The following KIF18A variants were observed in gnomAD, a reference collection of about 807,000 sequenced individuals.
The protein encoded by KIF18A is kinesin family member 18A.
In KIF18A, 67 loss-of-function variants were observed where a neutral mutation model predicts 103.3. That is an observed-to-expected ratio of 0.65 (90% confidence interval 0.53 to 0.79). The LOEUF (loss-of-function observed/expected upper bound fraction) is 0.79, where lower values mean the gene tolerates loss of function less well. KIF18A is among the 30% of genes least tolerant of loss of function. The pLI, the probability that KIF18A is intolerant of heterozygous loss-of-function variation, is 0.00. For synonymous variants in KIF18A, 367 were observed against 355.5 expected (o/e 1.03, Z -0.36); for missense variants, 1,032 against 1,062.5 (o/e 0.97, Z 0.40).
chr11:28,030,717 A>G (rs2133488942), intron 15 of KIF18A, among the ~76,000 whole-genome samples: 1 of 149,796 alleles, frequency 6.7e-6, no homozygotes, highest in African/African-American at 2.4e-5. Context: ...TGCACAGCAA[A>G]AGAAACTACC....
intron 9 of KIF18A, among the ~76,000 whole-genome samples, chr11:28,081,865 A>G (rs1851169823): frequency 6.6e-6 from 1 of 152,204 alleles, no homozygotes; most frequent in South Asian, 2.1e-4. Flanking sequence ...CATTAAGAAC[A>G]TTTGTGATAT....
At chr11:28,077,868 G>C (rs978142395) in intron 9 of KIF18A, among the ~76,000 whole-genome samples, 5 of 152,124 alleles carry the variant, frequency 3.3e-5, no homozygotes, top group Admixed American at 6.6e-5. Context: ...GAATATCAAA[G>C]ATGAGGAGTT....
chr11:28,045,793 A>C (rs910895349), intron 13 of KIF18A, among the ~76,000 whole-genome samples: 1 of 152,080 alleles, frequency 6.6e-6, no homozygotes, highest in African/African-American at 2.4e-5. Context: ...GTTGCAACCT[A>C]CTCATCTGAC....
At chr11:28,035,237 A>G in intron 15 of KIF18A, 150 bp downstream of exon 15, 1 of 396,902 alleles carries the variant, frequency 2.5e-6, no homozygotes, top group Non-Finnish European at 4.5e-6. Context: ...GATAATATAA[A>G]TCCAGTACCC....
chr11:28,031,514 C>T (rs982283632), intron 15 of KIF18A, among the ~76,000 whole-genome samples: 6 of 152,074 alleles, frequency 3.9e-5, no homozygotes, highest in African/African-American at 1.4e-4. Flanking sequence ...GTGAACATCA[C>T]ACACCGGGGC....
chr11:28,104,144 C>T (rs183452935), intron 1 of KIF18A, among the ~76,000 whole-genome samples: 1 of 152,148 alleles, frequency 6.6e-6, no homozygotes, highest in Non-Finnish European at 1.5e-5. Context: ...TAATTATATG[C>T]AAGTACAATA....
chr11:28,064,108 T>C (rs1450211342), intron 11 of KIF18A, among the ~76,000 whole-genome samples: 2 of 151,232 alleles, frequency 1.3e-5, no homozygotes, highest in African/African-American at 4.8e-5. Context: ...TTAGGAGTTA[T>C]TTATATAATT....
chr11:28,091,555 A>T, intron 3 of KIF18A, 42 bp from the exon 4 acceptor site: 1 of 1,071,752 alleles, frequency 9.3e-7, no homozygotes, highest in African/African-American at 1.6e-5. Flanking sequence ...TGTAAAAAAA[A>T]AAAATGGTGA....
chr11:28,092,871 A>G (rs1184372807), intron 3 of KIF18A, among the ~76,000 whole-genome samples: 1 of 152,216 alleles, frequency 6.6e-6, no homozygotes, highest in African/African-American at 2.4e-5. Flanking sequence ...AGCAGCAGTC[A>G]CTTTACTATT....
chr11:28,044,033 G>C (rs1023959502), intron 13 of KIF18A, among the ~76,000 whole-genome samples: 4 of 151,934 alleles, frequency 2.6e-5, no homozygotes, highest in Admixed American at 6.6e-5. Flanking sequence ...TGAAAGCACA[G>C]GGTGGAGTTA....
chr11:28,082,948 TTTTTC>T lies in KIF18A; in HGVS notation c.1165_1169del (p.Glu389ThrfsTer5), dbSNP rs757379277. 2 of 1,588,324 alleles carry T rather than the reference TTTTTC, an allele frequency of 1.3e-6. No homozygotes were observed. The highest frequency in any genetic ancestry group is 1.2e-5 in the South Asian group (1 of 86,000). On this transcript the variant is annotated frameshift_variant, in exon 9 of 17. Transcript: ENST00000263181. LOFTEE classifies it high-confidence loss of function. ...CTTTCTGTTCTTCATAGGCTTTTAG[TTTTTC>T]TTTTAACAATAAAATCTAGTAGAGA...
intron 11 of KIF18A, among the ~76,000 whole-genome samples, 176 bp downstream of exon 11, chr11:28,069,083 G>T (rs1850975290): frequency 1.3e-5 from 2 of 152,048 alleles, no homozygotes; most frequent in Admixed American, 1.3e-4. Context: ...TAACCTAAAA[G>T]CTACCTTATA....
intron 15 of KIF18A, among the ~76,000 whole-genome samples, chr11:28,034,942 C>G (rs1475016081): frequency 6.6e-6 from 1 of 151,524 alleles, no homozygotes; most frequent in African/African-American, 2.4e-5. Flanking sequence ...CTGATACAAG[C>G]TACACTGTCT....
At chr11:28,106,739 G>A (rs1054569856) in intron 1 of KIF18A, among the ~76,000 whole-genome samples, 1 of 152,132 alleles carries the variant, frequency 6.6e-6, no homozygotes, top group African/African-American at 2.4e-5. Flanking sequence ...AGGAGGCCGA[G>A]GCGGGCAGAT....
At chr11:28,078,272 A>G (rs931476947) in intron 9 of KIF18A, among the ~76,000 whole-genome samples, 1 of 152,182 alleles carries the variant, frequency 6.6e-6, no homozygotes, top group African/African-American at 2.4e-5. Flanking sequence ...TGTCAAACTG[A>G]TAAATATTTC....
intron 1 of KIF18A, among the ~76,000 whole-genome samples, chr11:28,105,025 GACAA>G (rs916128513): frequency 6.6e-6 from 1 of 151,594 alleles, no homozygotes; most frequent in African/African-American, 2.4e-5. Context: ...TTTCAAAACA[GACAA>G]ACAACAACAA....
At position 28,041,232 on chromosome 11, in the gene KIF18A, T is replaced by C. The variant is rs566229403; in HGVS notation, c.1949-4568A>G. On this transcript the variant is annotated intron_variant, in intron 13 of 16. Transcript: ENST00000263181. Reference sequence around the variant, plus strand: ...AAATAAAATAAATTAGGATGATAAATTAATTGTAAAGACAATAAAACAGAG... The same window carrying C: ...AAATAAAATAAATTAGGATGATAAACTAATTGTAAAGACAATAAAACAGAG... 2.6e-4 allele frequency among the ~76,000 whole-genome samples: 39 copies of C among 151,866 alleles called. No individual in the cohort carries two copies. The South Asian group carries it at 7.3e-3, about 28-fold the overall frequency.
intron 13 of KIF18A, among the ~76,000 whole-genome samples, chr11:28,042,513 G>C (rs931645088): frequency 6.6e-6 from 1 of 151,936 alleles, no homozygotes; most frequent in African/African-American, 2.4e-5. Context: ...AATGCATTTT[G>C]ATCCATGTTT....
intron 13 of KIF18A, among the ~76,000 whole-genome samples, chr11:28,057,676 AATG>A (rs1055116715): frequency 5.9e-5 from 9 of 152,172 alleles, no homozygotes; most frequent in African/African-American, 1.9e-4. Flanking sequence ...TTAAAAAAAA[AATG>A]ATATGTCCTT....
Sources: allele counts gnomAD v4.1 joint callset (sites outside exome capture counted in the v4.1 genomes callset), GRCh38; gene constraint gnomAD v4.1.1; transcripts MANE v1.5; gene names NCBI Gene and HGNC (gene_info 2026-07-23, HGNC 2026-07-21).